CA5A: variants seen among roughly 807,000 people sequenced by gnomAD.
The protein encoded by CA5A is carbonic anhydrase 5A, also known as carbonic anhydrase 5A, mitochondrial.
In CA5A, 28 loss-of-function variants were observed where a neutral mutation model predicts 37.1. That is an observed-to-expected ratio of 0.75 (90% CI 0.56 to 1.03). The LOEUF (loss-of-function observed/expected upper bound fraction) is 1.03, where lower values mean the gene tolerates loss of function less well. Ranked by LOEUF, CA5A falls within the 50% of genes least tolerant of loss-of-function variation. CA5A has a pLI of 0.00. For synonymous variants in CA5A, 171 were observed against 158.4 expected (o/e 1.08, Z -0.60); for missense variants, 444 against 399.9 (o/e 1.11, Z -0.94).
rs1369681773 is a variant in CA5A, at chr16:87,891,932, G to A, written c.641C>T (p.Pro214Leu). 1 of 1,555,556 alleles carries A rather than the reference G, an allele frequency of 6.4e-7. No individual in the cohort carries two copies. The highest frequency in any genetic ancestry group is 2.0e-5 in the Admixed American group (1 of 50,570). ...GGGCAGCAGAGTGGAGGGGTCGAAGGGGCGCATGGCCGCCCGCGCGTCCTG... is the reference window on the plus strand; with the variant it reads ...GGGCAGCAGAGTGGAGGGGTCGAAGAGGCGCATGGCCGCCCGCGCGTCCTG... ...KHKDARAAMR[P>L]FDPSTLLPTC... is the part of the protein sequence containing the mutation. The change falls in exon 6 of 7, where the codon CCC (proline) becomes CTC (leucine). Residue 214 changes from proline to leucine, a missense_variant. Transcript: ENST00000649794.
intron 2 of CA5A, among the ~76,000 whole-genome samples, chr16:87,915,665 G>C (rs1329957908): frequency 1.5e-5 from 2 of 134,776 alleles, no homozygotes; most frequent in Non-Finnish European, 3.1e-5. Context: ...CTGCAGCCTG[G>C]GCGACAGAGC....
intron 1 of CA5A, among the ~76,000 whole-genome samples, chr16:87,929,646 G>T (rs1052913954): frequency 1.3e-5 from 2 of 151,936 alleles, no homozygotes; most frequent in East Asian, 3.9e-4. Flanking sequence ...GCCGAGGTGG[G>T]CGGATCACGA....
chr16:87,908,795 C>A (rs1235427010), intron 2 of CA5A, among the ~76,000 whole-genome samples: 3 of 151,432 alleles, frequency 2.0e-5, no homozygotes, highest in Non-Finnish European at 1.5e-5. Context: ...TCCCAGAATT[C>A]TTCTTCTCCT....
At chr16:87,886,129 G>C (rs1303078624), downstream of CA5A, 1 of 147,778 alleles carries the variant, frequency 6.8e-6, no homozygotes, top group Non-Finnish European at 1.5e-5. Flanking sequence ...ACCCAACATT[G>C]AGTTCTGGAT....
At position 87,923,736 on chromosome 16, in the gene CA5A, C is replaced by A. The variant is rs149794843; in HGVS notation, c.340+3012G>T. 3 of 984,694 alleles carry A rather than the reference C, an allele frequency of 3.0e-6. No individual in the cohort carries two copies. The South Asian group carries it at 1.4e-4, about 46-fold the overall frequency. 61.0% of individuals were successfully genotyped at this position (984,694 alleles called of 1,614,324 possible). ...AATAACCTTCAAAGTTTATACTTTA[C>A]GACTTAGAGGAAACAAATCAGTTAT... On this transcript the variant is annotated intron_variant, in intron 2 of 6. Coordinates refer to ENST00000649794, the MANE Select transcript of CA5A (RefSeq NM_001739.2).
chr16:87,893,130 C>T, intron 5 of CA5A: 1 of 507,992 alleles, frequency 2.0e-6, no homozygotes, highest in Non-Finnish European at 3.4e-6. Context: ...TTCTTCCTTT[C>T]TTTCTTTCTT....
intron 2 of CA5A, among the ~76,000 whole-genome samples, 192 bp from the exon 3 acceptor site, chr16:87,905,096 C>A (rs946575802): frequency 1.8e-4 from 27 of 151,958 alleles, no homozygotes; most frequent in African/African-American, 2.9e-4. Context: ...TGCCCCCCCC[C>A]AGCCCAGCGC....
intron 1 of CA5A, among the ~76,000 whole-genome samples, chr16:87,932,562 G>C (rs1172424382): frequency 6.6e-6 from 1 of 152,184 alleles, no homozygotes. Flanking sequence ...TAGGTTCTGT[G>C]CTAATTCCAG....
At chr16:87,890,778 G>C (rs780995570) in intron 6 of CA5A, among the ~76,000 whole-genome samples, 1 of 151,906 alleles carries the variant, frequency 6.6e-6, no homozygotes, top group African/African-American at 2.4e-5. Context: ...ACCATGCCTG[G>C]CTAATTTTTG....
At chr16:87,900,659 C>A (rs374991699) in intron 5 of CA5A, among the ~76,000 whole-genome samples, 75 of 152,380 alleles carry the variant, frequency 4.9e-4, no homozygotes, top group South Asian at 3.9e-3. Flanking sequence ...GTTGTCCCCA[C>A]CATCTTTTCG....
chr16:87,894,563 T>C (rs915928855), intron 5 of CA5A, among the ~76,000 whole-genome samples: 1 of 143,448 alleles, frequency 7.0e-6, no homozygotes, highest in Non-Finnish European at 1.5e-5. Flanking sequence ...TTTATAATTA[T>C]CCAGTTAATT....
chr16:87,923,994 C>A (rs2056266416), intron 2 of CA5A: 1 of 985,198 alleles, frequency 1.0e-6, no homozygotes, highest in South Asian at 4.7e-5. Flanking sequence ...ACTGAAAAGC[C>A]AATCTGAGTT....
chr16:87,882,053 G>T (rs770281491), intron 4 of CA5A: 2 of 152,180 alleles, frequency 1.3e-5, no homozygotes, highest in Non-Finnish European at 2.9e-5. Context: ...CCCTCTGGCC[G>T]CTTGGGCCTT....
intron 2 of CA5A, among the ~76,000 whole-genome samples, chr16:87,915,023 A>G (rs996935001): frequency 7.2e-5 from 11 of 152,214 alleles, no homozygotes; most frequent in African/African-American, 2.7e-4. Flanking sequence ...TGGCCGCCGC[A>G]CCACCAGCTC....
chr16:87,921,460 A>C (rs967397544), intron 2 of CA5A, among the ~76,000 whole-genome samples: 1 of 152,108 alleles, frequency 6.6e-6, no homozygotes, highest in Non-Finnish European at 1.5e-5. Flanking sequence ...TGGCCTTTGC[A>C]CAGCCATGGA....
chr16:87,906,911 T>C (rs2055969349), intron 2 of CA5A, among the ~76,000 whole-genome samples: 1 of 152,098 alleles, frequency 6.6e-6, no homozygotes, highest in Non-Finnish European at 1.5e-5. Flanking sequence ...CTTCCCACAA[T>C]AAGCACATAA....
At chr16:87,892,091 T>A in intron 5 of CA5A, 137 bp from the exon 6 acceptor site, 1 of 693,928 alleles carries the variant, frequency 1.4e-6, no homozygotes, top group South Asian at 2.3e-5. Flanking sequence ...GCCACTGCTG[T>A]CACACTTGCA....
rs557776920 is a variant in CA5A at position 87,926,817 on chromosome 16, A to T, written c.271T>A (p.Ser91Thr). ...CCAGTGTTCCAGATGTACAGGCAGGATGCCGCTTCATAGGAGACCCTGAGT... is the reference window on the plus strand; with the variant it reads ...CCAGTGTTCCAGATGTACAGGCAGGTTGCCGCTTCATAGGAGACCCTGAGT... ...KPLRVSYEAA[S>T]CLYIWNTGYL... is the part of the protein sequence containing the mutation. The change falls in exon 2 of 7, where the codon TCC becomes ACC. Residue 91 changes from serine (S) to threonine (T), a missense_variant. Coordinates refer to ENST00000649794, the MANE Select transcript of CA5A (RefSeq NM_001739.2). 1 of 1,614,092 alleles carries T rather than the reference A, an allele frequency of 6.2e-7. No individual in the cohort carries two copies. The highest frequency in any genetic ancestry group is 2.2e-5 in the East Asian group (1 of 44,902).
At chr16:87,922,319 G>A (rs1257373859) in intron 2 of CA5A, among the ~76,000 whole-genome samples, 3 of 152,094 alleles carry the variant, frequency 2.0e-5, no homozygotes, top group Middle Eastern at 3.4e-3. Context: ...AGGAGGGTGT[G>A]CCACACAGAC....
Sources: allele counts gnomAD v4.1 joint callset (sites outside exome capture counted in the v4.1 genomes callset), GRCh38; gene constraint gnomAD v4.1.1; transcripts MANE v1.5; gene names NCBI Gene and HGNC (gene_info 2026-07-23, HGNC 2026-07-21).